PGA5: variants seen among roughly 807,000 people sequenced by gnomAD.
PGA5 encodes pepsin A-5.
In PGA5, 19 loss-of-function variants were observed where a neutral mutation model predicts 15.9. The ratio of observed to expected loss-of-function variants is 1.19; its 90% CI spans 0.83 to 1.75. PGA5 has a LOEUF of 1.75. Ranked by LOEUF, PGA5 falls within the 40% of genes most tolerant of loss-of-function variation. The pLI, the probability that PGA5 is intolerant of heterozygous loss-of-function variation, is 0.00. For synonymous variants in PGA5, 92 were observed against 95.8 expected, an observed-to-expected ratio of 0.96 and a Z score of 0.23; for missense variants, 224 against 246.4, an observed-to-expected ratio of 0.91 and a Z score of 0.61.
At chr11:61,249,403 A>T in intron 6 of PGA5, 1 of 618,254 alleles carries the variant, frequency 1.6e-6, no homozygotes, top group Non-Finnish European at 2.8e-6. Flanking sequence ...CTTGCCAGCT[A>T]GGCCGGGAGC....
At chr11:61,250,832 A>G (rs1787042166) in intron 8 of PGA5, 13 of 635,600 alleles carry the variant, frequency 2.0e-5, no homozygotes, top group South Asian at 1.2e-4. Context: ...GGGTTTTTAA[A>G]CTCCTTCCTA....
Position 61,248,420 on chromosome 11 carries a change from G to A in PGA5, c.658G>A (p.Asp220Asn), listed in dbSNP as rs147049038. The change falls in exon 6 of 9, where the codon GAT (aspartate) becomes AAT (asparagine). Residue 220 changes from aspartate (D) to asparagine (N), a missense_variant and splice_region_variant. Transcript: ENST00000312403. The part of the protein sequence containing the change: ...QDLFSVYLSA[D>N]DKSGSVVIFG... Reference sequence around the variant, plus strand: ...GTCTTCTCCCCTCACTTTCCACAGCGATGACAAGAGTGGCAGCGTGGTGAT... The same window carrying A: ...GTCTTCTCCCCTCACTTTCCACAGCAATGACAAGAGTGGCAGCGTGGTGAT... The A allele has an allele frequency of 1.8e-4, 287 of 1,613,736 alleles. No homozygotes were observed. The highest frequency in any genetic ancestry group is 2.3e-4 in the Non-Finnish European group (277 of 1,179,886).
chr11:61,250,053 C>T, intron 8 of PGA5, 39 bp downstream of exon 8: 2 of 1,598,902 alleles, frequency 1.3e-6, no homozygotes, highest in Non-Finnish European at 1.7e-6. Context: ...GAGGTTCACA[C>T]AGAATGTGGA....
rs1277089862 is a variant in PGA5, at chr11:61,246,160, G to C, written c.656+15G>C. On this transcript the variant is annotated intron_variant, in intron 5 of 8. Transcript: ENST00000312403. ...TACCTCAGCGCGTAAGTTGAGTGGA[G>C]AGGGGCCTCCTCCCACCTCCCCCTC... 2.7e-6 allele frequency: 1 copy of C among 374,906 alleles called. No homozygotes were observed. The highest frequency in any genetic ancestry group is 4.4e-5 in the Admixed American group (1 of 22,472). 23.2% of individuals were successfully genotyped at this position (374,906 alleles called of 1,614,324 possible). A position where few individuals can be genotyped will look rare whatever the true frequency, so the allele number is the denominator to read the frequency against.
At chr11:61,247,985 T>C (rs1432953113) in intron 5 of PGA5, 18 of 583,726 alleles carry the variant, frequency 3.1e-5, no homozygotes, top group Non-Finnish European at 4.9e-5. Flanking sequence ...TCTCCAGACA[T>C]GCCCCTGGGG....
intron 5 of PGA5, among the ~76,000 whole-genome samples, chr11:61,246,763 C>CAATA (rs147138290): frequency 4.1e-5 from 6 of 147,216 alleles, no homozygotes; most frequent in African/African-American, 1.5e-4. Flanking sequence ...GACTCCATCT[C>CAATA]AATAAATAAA....
At position 61,251,189 on chromosome 11, in the gene PGA5, G is replaced by C; in HGVS notation, c.1075G>C (p.Glu359Gln). The stretch of plus-strand genomic sequence containing the variant: ...CATGAACGTCCCCACCGAATCTGGA[G>C]AGCTTTGGATCCTGGGTGATGTCTT... ...QGMNVPTESG[E>Q]LWILGDVFIR... The change falls in exon 9 of 9, where the codon GAG becomes CAG. Residue 359 changes from glutamate (E) to glutamine (Q), a missense_variant. Transcript: ENST00000312403. The C allele has an allele frequency of 1.2e-6, 2 of 1,611,856 alleles. No homozygotes were observed. The highest frequency in any genetic ancestry group is 1.7e-5 in the Admixed American group (1 of 60,002).
intron 8 of PGA5, chr11:61,250,770 T>C (rs1310428698): frequency 6.1e-6 from 3 of 494,386 alleles, no homozygotes; most frequent in African/African-American, 1.9e-5. Context: ...ATAGCTCATC[T>C]GGTTTGTCCC....
rs601275 is a variant in PGA5, at chr11:61,251,272, T to C, written c.1158T>C (p.Pro386=). The change falls in exon 9 of 9, where the codon CCT becomes CCC. Residue 386 remains proline, a synonymous_variant. Coordinates refer to ENST00000312403, the MANE Select transcript of PGA5 (RefSeq NM_014224.5). ...CAAACAACCAGGTCGGCCTGGCCCC[T>C]GTGGCTTAAGCCTAAGTCTCTTCAG... The part of the protein sequence containing the change: ...DRANNQVGLA[P]VA 3.3e-3 allele frequency: 5,350 copies of C among 1,608,846 alleles called. 42 individuals carry two copies. The highest frequency in any genetic ancestry group is 4.7e-3 in the South Asian group (425 of 90,704).
intron 5 of PGA5, among the ~76,000 whole-genome samples, chr11:61,246,879 A>T (rs1854072200): frequency 6.6e-6 from 1 of 152,098 alleles, no homozygotes; most frequent in Non-Finnish European, 1.5e-5. Flanking sequence ...ATGAATGATG[A>T]CATTTTTCAA....
At chr11:61,250,940 C>T (rs528024414) in intron 8 of PGA5, among the ~76,000 whole-genome samples, 192 bp from the exon 9 acceptor site, 3 of 151,604 alleles carry the variant, frequency 2.0e-5, no homozygotes, top group South Asian at 4.2e-4. Flanking sequence ...TGCGTAGAAA[C>T]CAGTCGTGCA....
chr11:61,247,683 A>G (rs991520341), intron 5 of PGA5, among the ~76,000 whole-genome samples: 5 of 152,098 alleles, frequency 3.3e-5, no homozygotes, highest in Non-Finnish European at 7.3e-5. Context: ...CCTGCAATTT[A>G]CAACAGGAAG....
At position 61,251,179 on chromosome 11, in the gene PGA5, C is replaced by T. The variant is rs372989161; in HGVS notation, c.1065C>T (p.Thr355=). 1.1e-5 allele frequency: 18 copies of T among 1,611,700 alleles called. No homozygotes were observed. The highest frequency in any genetic ancestry group is 4.4e-5 in the South Asian group (4 of 90,990). The change falls in exon 9 of 9, where the codon ACC becomes ACT. Residue 355 remains threonine, a synonymous_variant. Coordinates refer to ENST00000312403, the MANE Select transcript of PGA5 (RefSeq NM_014224.5). ...ISGFQGMNVP[T]ESGELWILGD... is the part of the protein sequence containing the mutation. ...GCTTCCAGGGCATGAACGTCCCCAC[C>T]GAATCTGGAGAGCTTTGGATCCTGG...
At chr11:61,250,316 A>C (rs1256574355) in intron 8 of PGA5, among the ~76,000 whole-genome samples, 2 of 151,454 alleles carry the variant, frequency 1.3e-5, no homozygotes, top group Admixed American at 6.5e-5. Flanking sequence ...GATTCTGAAC[A>C]AGCTACAGCT....
intron 5 of PGA5, among the ~76,000 whole-genome samples, chr11:61,247,650 T>C (rs1228826518): frequency 6.6e-6 from 1 of 152,036 alleles, no homozygotes; most frequent in Non-Finnish European, 1.5e-5. Flanking sequence ...ATTTAGAAAA[T>C]GAATATTGCA....
At chr11:61,250,046 G>A in intron 8 of PGA5, 32 bp downstream of exon 8, 4 of 1,602,370 alleles carry the variant, frequency 2.5e-6, no homozygotes, top group Non-Finnish European at 2.6e-6. Context: ...CACTAGAGAG[G>A]TTCACACAGA....
intron 8 of PGA5, 59 bp downstream of exon 8, chr11:61,250,073 C>A: frequency 1.3e-6 from 2 of 1,577,596 alleles, no homozygotes; most frequent in Non-Finnish European, 1.7e-6. Context: ...ACACAGAGTC[C>A]CCTTCTGCAG....
Position 61,247,732 on chromosome 11 carries a change from A to C in PGA5, c.657-687A>C, listed in dbSNP as rs1363309584. On this transcript the variant is annotated intron_variant, in intron 5 of 8. Coordinates refer to ENST00000312403, the MANE Select transcript of PGA5 (RefSeq NM_014224.5). Reference sequence around the variant, plus strand: ...TATTCTTCTTGGCCAGTTAATGTTCAAGGTGGCTCTGAAACATCATCTGCC... The same window carrying C: ...TATTCTTCTTGGCCAGTTAATGTTCCAGGTGGCTCTGAAACATCATCTGCC... Among the ~76,000 whole-genome samples, 3 of 152,086 alleles carry C rather than the reference A, an allele frequency of 2.0e-5. No homozygotes were observed. The East Asian group carries it at 5.8e-4, about 29-fold the overall frequency.
chr11:61,247,454 T>C (rs1227947343), intron 5 of PGA5, among the ~76,000 whole-genome samples: 1 of 151,770 alleles, frequency 6.6e-6, no homozygotes, highest in Non-Finnish European at 1.5e-5. Context: ...ATTTTTTGTA[T>C]TTTTAGTAGA....
Sources: gnomAD v4.1 joint callset for allele counts (sites outside exome capture counted in the v4.1 genomes callset) on GRCh38, gnomAD v4.1.1 for gene constraint, MANE v1.5 for transcripts, NCBI Gene and HGNC (gene_info 2026-07-23, HGNC 2026-07-21) for gene names.